CAPN14: variants seen among roughly 807,000 people sequenced by gnomAD.
The protein encoded by CAPN14 is calpain 14.
A neutral mutation model predicts 101.3 loss-of-function variants in CAPN14; 94 were observed. That is an observed-to-expected ratio of 0.93 (90% CI 0.79 to 1.10). CAPN14 has a LOEUF of 1.10. Ranked by LOEUF, CAPN14 falls within the 50% of genes least tolerant of loss-of-function variation. CAPN14 has a pLI of 0.00. For synonymous variants in CAPN14, 338 were observed against 317.9 expected, an observed-to-expected ratio of 1.06 and a Z score of -0.67; for missense variants, 837 against 828.4, an observed-to-expected ratio of 1.01 and a Z score of -0.13.
At chr2:31,192,540 C>A (rs1225918027) in intron 10 of CAPN14, among the ~76,000 whole-genome samples, 2 of 152,164 alleles carry the variant, frequency 1.3e-5, no homozygotes, top group Admixed American at 6.5e-5. Context: ...GCCATCCTGG[C>A]CTGCTGAGGT....
At chr2:31,208,175 C>CA (rs530786071) in intron 1 of CAPN14, among the ~76,000 whole-genome samples, 4 of 150,456 alleles carry the variant, frequency 2.7e-5, no homozygotes, top group Admixed American at 6.6e-5. Context: ...AAAAAAACTC[C>CA]AAAAAAAAAC....
rs1181340290 is a variant in CAPN14 at position 31,173,615 on chromosome 2, A to G, written c.*1066T>C. The G allele has an allele frequency of 6.6e-6, 1 of 152,050 alleles. No homozygotes were observed. Among genetic ancestry groups the G allele is most frequent in the South Asian group, 2.1e-4 (1 of 4,834 alleles). The allele number at this position is 152,050 out of a possible 1,614,324, so 9.4% of individuals were successfully genotyped here. On this transcript the variant is annotated 3_prime_UTR_variant, in exon 22 of 22. Transcript: ENST00000403897. ...AAAATTCAAAATCCAAAATGCCCCTATTTCCTTTGAGTTTCATGTCTACTC... is the reference window on the plus strand; with the variant it reads ...AAAATTCAAAATCCAAAATGCCCCTGTTTCCTTTGAGTTTCATGTCTACTC...
intron 10 of CAPN14, among the ~76,000 whole-genome samples, chr2:31,192,705 C>G (rs1681254151): frequency 6.6e-6 from 1 of 152,132 alleles, no homozygotes; most frequent in Non-Finnish European, 1.5e-5. Context: ...GTGTTTCTCC[C>G]AGGCTCCAGG....
chr2:31,185,086 A>C (rs955072451), intron 16 of CAPN14, among the ~76,000 whole-genome samples: 7 of 152,174 alleles, frequency 4.6e-5, no homozygotes, highest in Admixed American at 4.6e-4. Context: ...CAATTCTGCT[A>C]TCTATTATAT....
chr2:31,176,914 C>A, intron 20 of CAPN14, 112 bp downstream of exon 20: 2 of 802,992 alleles, frequency 2.5e-6, no homozygotes, highest in Non-Finnish European at 2.0e-6. Context: ...CTTCCCTGGT[C>A]TGCTGTTTCT....
chr2:31,175,344 C>T (rs536342806), intron 21 of CAPN14, among the ~76,000 whole-genome samples: 1 of 152,182 alleles, frequency 6.6e-6, no homozygotes, highest in Non-Finnish European at 1.5e-5. Context: ...ACCTGTGGGG[C>T]AGCTGAGGCC....
At chr2:31,207,367 G>C (rs1682154722) in intron 1 of CAPN14, among the ~76,000 whole-genome samples, 1 of 152,166 alleles carries the variant, frequency 6.6e-6, no homozygotes, top group East Asian at 1.9e-4. Context: ...ATTATCACTA[G>C]TGAAGGGCCT....
At chr2:31,210,954 A>C (rs1020877852) in intron 1 of CAPN14, among the ~76,000 whole-genome samples, 1 of 139,706 alleles carries the variant, frequency 7.2e-6, no homozygotes. Flanking sequence ...TGACAGTATT[A>C]CTAGAGTTTA....
chr2:31,178,579 G>A lies in CAPN14; in HGVS notation c.1711C>T (p.Leu571Phe), dbSNP rs1680429700. 6.5e-7 allele frequency: 1 copy of A among 1,533,488 alleles called. No individual in the cohort carries two copies. The highest frequency in any genetic ancestry group is 8.8e-7 in the Non-Finnish European group (1 of 1,139,156). 95.0% of individuals were successfully genotyped at this position (1,533,488 alleles called of 1,614,324 possible). Residue 571 changes from leucine to phenylalanine, a missense_variant and splice_region_variant, in exon 18 of 22, where the codon CTT becomes TTT. Leu to Phe is a conservative substitution (Grantham distance 22, BLOSUM62 0). Transcript: ENST00000403897. The part of the protein sequence containing the change: ...ACQGILALLD[L>F]NASGTMSIQE... ...ATGCTCATAGTACCTGATGCATTAA[G>A]CTGATTAATAGGTTAAGGTAAAAGC... is the stretch of plus-strand genomic sequence containing the variant.
At chr2:31,174,739 G>T in intron 21 of CAPN14, 32 bp from the exon 22 acceptor site, 1 of 1,551,204 alleles carries the variant, frequency 6.4e-7, no homozygotes, top group Non-Finnish European at 8.7e-7. Context: ...ATGATGGTCA[G>T]TTCAGACCCA....
chr2:31,202,086 C>T lies in CAPN14; in HGVS notation c.414+48G>A, dbSNP rs1299752166. On this transcript the variant is annotated intron_variant, in intron 4 of 21. Transcript: ENST00000403897. ...GTGAAGACATGGTCCTCCAGGAACC[C>T]TTTTTCCTATGACTCCCTCTGGGCT... 23 of 1,550,200 alleles carry T rather than the reference C, an allele frequency of 1.5e-5. No homozygotes were observed. In the Admixed American group the frequency reaches 4.5e-4, roughly 30 times the overall value.
chr2:31,222,362 T>C (rs1372368324), upstream of CAPN14, among the ~76,000 whole-genome samples: 1 of 152,170 alleles, frequency 6.6e-6, no homozygotes, highest in Non-Finnish European at 1.5e-5. Context: ...CACTTTGACC[T>C]GCCCTCTCTG....
chr2:31,174,645 A>C lies in CAPN14; in HGVS notation c.*36T>G. On this transcript the variant is annotated 3_prime_UTR_variant, in exon 22 of 22. Transcript: ENST00000403897. ...CAAAGGCTGCTCTTGGGCCACATGC[A>C]GAGTCTTCAGTGAGGGCAGGTGAGA... The C allele has an allele frequency of 6.4e-7, 1 of 1,550,630 alleles. No individual in the cohort carries two copies. The highest frequency in any genetic ancestry group is 8.7e-7 in the Non-Finnish European group (1 of 1,146,254).
chr2:31,194,424 T>C lies in CAPN14; in HGVS notation c.935A>G (p.Asn312Ser), dbSNP rs76523220. 0.03 allele frequency: 46,733 copies of C among 1,550,860 alleles called. 1,012 individuals carry two copies. The highest frequency in any genetic ancestry group is 0.099 in the African/African-American group (7,263 of 73,068). The change falls in exon 9 of 22, where the codon AAT becomes AGT. Residue 312 changes from asparagine (N) to serine (S), a missense_variant. Physicochemically the swap from Asn to Ser is conservative, Grantham distance 46. Transcript: ENST00000403897. Reference protein sequence around the residue: ...KEKILLLRKDNDGEFWMTLQD... With the variant: ...KEKILLLRKDSDGEFWMTLQD... ...AGTCCAATACCAGAATTCTCCGTCA[T>C]TGTCTTTCCTCAGAAGCAGAATCTT...
In CAPN14 at chr2:31,177,811, T is replaced by C; in HGVS notation, c.1790A>G (p.His597Arg). Reference protein sequence around the residue: ...KQLKLSQKVFHKQDRGSGYLN... With the variant: ...KQLKLSQKVFRKQDRGSGYLN... ...GTATCCTGACCCACGGTCTTGCTTGTGGAAAACCTTCTGCAAAGAACCAAA... is the reference window on the plus strand; with the variant it reads ...GTATCCTGACCCACGGTCTTGCTTGCGGAAAACCTTCTGCAAAGAACCAAA... Residue 597 changes from histidine (H) to arginine (R), a missense_variant, in exon 19 of 22, where the codon CAC becomes CGC. Physicochemically the swap from His to Arg is conservative, Grantham distance 29. Coordinates refer to ENST00000403897, the MANE Select transcript of CAPN14 (RefSeq NM_001145122.2). 1 of 1,551,852 alleles carries C rather than the reference T, an allele frequency of 6.4e-7. No individual in the cohort carries two copies. The highest frequency in any genetic ancestry group is 2.4e-5 in the East Asian group (1 of 40,926).
intron 13 of CAPN14, among the ~76,000 whole-genome samples, chr2:31,188,692 G>A (rs4951968): frequency 0.29 from 44,550 of 152,078 alleles, 8,285 homozygotes; most frequent in African/African-American, 0.52. Context: ...AAAACAAAAA[G>A]CACAAAACCT....
chr2:31,179,061 TATA>T (rs1680455834), intron 17 of CAPN14, among the ~76,000 whole-genome samples: 1 of 102,216 alleles, frequency 9.8e-6, no homozygotes, highest in African/African-American at 3.1e-5. Context: ...TATTGAGTTC[TATA>T]TATATATATA....
rs958417577 is a variant in CAPN14, at chr2:31,208,109, C to A, written c.-52-2610G>T. ...GGGGAAGACCCAGCCCTCTTCTAAC[C>A]CAGGTCACAGAAACTCAAAAGCTGT... On this transcript the variant is annotated intron_variant, in intron 1 of 21. Coordinates refer to ENST00000403897, the MANE Select transcript of CAPN14 (RefSeq NM_001145122.2). Among the ~76,000 whole-genome samples, 6 of 151,994 alleles carry A rather than the reference C, an allele frequency of 3.9e-5. No homozygotes were observed. In the East Asian group the frequency reaches 9.7e-4, roughly 24 times the overall value.
At chr2:31,204,699 C>A (rs187060337) in intron 2 of CAPN14, among the ~76,000 whole-genome samples, 11 of 152,312 alleles carry the variant, frequency 7.2e-5, no homozygotes, top group Admixed American at 5.9e-4. Flanking sequence ...GAGCTCCACA[C>A]CCCTTCCCCA....
Sources: gnomAD v4.1 joint callset for allele counts (sites outside exome capture counted in the v4.1 genomes callset) on GRCh38, gnomAD v4.1.1 for gene constraint, MANE v1.5 for transcripts, NCBI Gene and HGNC (gene_info 2026-07-23, HGNC 2026-07-21) for gene names.